AQP11: variants seen among roughly 807,000 people sequenced by gnomAD.
AQP11 encodes aquaporin-11.
In AQP11, 20 loss-of-function variants were observed where a neutral mutation model predicts 21.1. The ratio of observed to expected loss-of-function variants is 0.95; its 90% CI spans 0.67 to 1.38. AQP11 has a LOEUF of 1.38. Ranked by LOEUF, AQP11 falls within the 40% of genes most tolerant of loss-of-function variation. The probability of loss-of-function intolerance (pLI) is 0.00; values close to 1 mark genes in which losing one functional copy is unlikely to be tolerated. For missense variants in AQP11, 339 were observed against 340.4 expected (o/e 1.00, Z 0.03); for synonymous variants, 167 against 150.1 (o/e 1.11, Z -0.82).
At chr11:77,593,901 G>A (rs1481968618) in intron 1 of AQP11, among the ~76,000 whole-genome samples, 1 of 152,158 alleles carries the variant, frequency 6.6e-6, no homozygotes, top group African/African-American at 2.4e-5. Flanking sequence ...AAGTTATGAT[G>A]TATACTACAA....
chr11:77,596,998 C>T (rs1466872160), intron 1 of AQP11, among the ~76,000 whole-genome samples: 1 of 152,202 alleles, frequency 6.6e-6, no homozygotes, highest in South Asian at 2.1e-4. Flanking sequence ...ACCTGCCATA[C>T]ACGAAGTACT....
intron 2 of AQP11, among the ~76,000 whole-genome samples, chr11:77,607,959 AT>A (rs760550947): frequency 1.8e-3 from 252 of 143,858 alleles, no homozygotes; most frequent in East Asian, 0.016. Flanking sequence ...GTTGTTTCTG[AT>A]TTTTTTTTTT....
chr11:77,596,961 A>AATAAT (rs923555255), intron 1 of AQP11, among the ~76,000 whole-genome samples: 7 of 152,094 alleles, frequency 4.6e-5, no homozygotes, highest in African/African-American at 1.2e-4. Flanking sequence ...TAGTATGAGG[A>AATAAT]ATAATAATTC....
chr11:77,594,695 G>A (rs1431575598), intron 1 of AQP11, among the ~76,000 whole-genome samples: 4 of 152,016 alleles, frequency 2.6e-5, no homozygotes, highest in Non-Finnish European at 5.9e-5. Context: ...CCAATACAGG[G>A]TACATCAAAA....
chr11:77,596,570 AATGG>A (rs1958784681), intron 1 of AQP11, among the ~76,000 whole-genome samples: 2 of 136,000 alleles, frequency 1.5e-5, no homozygotes, highest in African/African-American at 2.7e-5. Flanking sequence ...ATATGTATGT[AATGG>A]TTAAGGCCAG....
chr11:77,598,996 C>T (rs1055979153), intron 1 of AQP11, among the ~76,000 whole-genome samples: 1 of 152,218 alleles, frequency 6.6e-6, no homozygotes, highest in Non-Finnish European at 1.5e-5. Context: ...ATTCTCCTGC[C>T]TCAGCCTCCC....
rs780104545 is a variant in AQP11, at chr11:77,592,791, A to T, written c.619+2180A>T. Among the ~76,000 whole-genome samples, 43 of 152,208 alleles carry T rather than the reference A, an allele frequency of 2.8e-4. 1 individual carries two copies. In the South Asian group the frequency reaches 3.7e-3, roughly 13 times the overall value. Reference sequence around the variant, plus strand: ...TTTCTTGAAATGAGGGTACTAATTGATGGGGGAGAGGGAGAGTATAAAGGG... The same window carrying T: ...TTTCTTGAAATGAGGGTACTAATTGTTGGGGGAGAGGGAGAGTATAAAGGG... On this transcript the variant is annotated intron_variant, in intron 1 of 2. Coordinates refer to ENST00000313578, the MANE Select transcript of AQP11 (RefSeq NM_173039.3).
At chr11:77,602,802 C>A (rs1186084603) in intron 1 of AQP11, among the ~76,000 whole-genome samples, 2 of 152,170 alleles carry the variant, frequency 1.3e-5, no homozygotes, top group Non-Finnish European at 2.9e-5. Flanking sequence ...TGTGCCTAAG[C>A]TTCCACTTGG....
chr11:77,590,832 CTG>C (rs1216118540), intron 1 of AQP11: 1 of 985,454 alleles, frequency 1.0e-6, no homozygotes, highest in African/African-American at 1.7e-5. Flanking sequence ...GGAGCCACCT[CTG>C]TGCTGAAACT....
chr11:77,608,730 G>T (rs1314857513), intron 2 of AQP11, among the ~76,000 whole-genome samples: 2 of 152,090 alleles, frequency 1.3e-5, no homozygotes, highest in African/African-American at 4.8e-5. Context: ...CCAGTTAATG[G>T]TCAGTTAAAT....
At chr11:77,596,494 G>GTGTAAATATATA (rs1958781368) in intron 1 of AQP11, among the ~76,000 whole-genome samples, 1 of 117,916 alleles carries the variant, frequency 8.5e-6, no homozygotes, top group African/African-American at 3.3e-5. Context: ...GTAAATATAT[G>GTGTAAATATATA]TGTAAATATA....
intron 1 of AQP11, among the ~76,000 whole-genome samples, chr11:77,594,545 G>C (rs1483777687): frequency 6.6e-6 from 1 of 152,200 alleles, no homozygotes; most frequent in Non-Finnish European, 1.5e-5. Context: ...TCTTGGGACA[G>C]TTGGCTAAGT....
At chr11:77,609,159 T>C (rs1033354998) in intron 2 of AQP11, 139 bp from the exon 3 acceptor site, 10 of 546,234 alleles carry the variant, frequency 1.8e-5, no homozygotes, top group African/African-American at 3.8e-5. Context: ...ATGTTTCACG[T>C]AGAATTGATG....
intron 1 of AQP11, among the ~76,000 whole-genome samples, chr11:77,601,539 G>A (rs1323352927): frequency 1.3e-5 from 2 of 151,996 alleles, no homozygotes; most frequent in East Asian, 1.9e-4. Flanking sequence ...TTATAGAAAC[G>A]GGGTTTTGCT....
chr11:77,608,003 ATC>A (rs1958856586), intron 2 of AQP11, among the ~76,000 whole-genome samples: 1 of 151,980 alleles, frequency 6.6e-6, no homozygotes, highest in Non-Finnish European at 1.5e-5. Flanking sequence ...CAACAGACTA[ATC>A]TCTCACAAAT....
intron 1 of AQP11, chr11:77,591,231 C>A (rs565259711): frequency 1.0e-6 from 1 of 958,124 alleles, no homozygotes. Flanking sequence ...TAACTTGCTT[C>A]AAATTAAAGA....
intron 1 of AQP11, among the ~76,000 whole-genome samples, chr11:77,602,074 T>TACC (rs754742466): frequency 6.6e-6 from 1 of 152,210 alleles, no homozygotes; most frequent in Non-Finnish European, 1.5e-5. Context: ...GAGAAGCAGC[T>TACC]ACCACTAAGT....
At chr11:77,603,233 A>C (rs1958825300) in intron 1 of AQP11, among the ~76,000 whole-genome samples, 1 of 152,168 alleles carries the variant, frequency 6.6e-6, no homozygotes, top group African/African-American at 2.4e-5. Flanking sequence ...CATTCATTTA[A>C]ATTGACAAAT....
intron 2 of AQP11, among the ~76,000 whole-genome samples, chr11:77,605,026 T>C (rs1590786735): frequency 6.6e-6 from 1 of 152,056 alleles, no homozygotes; most frequent in East Asian, 1.9e-4. Flanking sequence ...ACCCCGTCTC[T>C]ACTAAAAATA....
Sources: gnomAD v4.1 joint callset for allele counts (sites outside exome capture counted in the v4.1 genomes callset) on GRCh38, gnomAD v4.1.1 for gene constraint, MANE v1.5 for transcripts, NCBI Gene and HGNC (gene_info 2026-07-23, HGNC 2026-07-21) for gene names.